DYNC1H1: variants seen among roughly 807,000 people sequenced by gnomAD.
DYNC1H1 encodes the protein dynein cytoplasmic 1 heavy chain 1, also known as cytoplasmic dynein 1 heavy chain 1.
A neutral mutation model predicts 527.1 loss-of-function variants in DYNC1H1; 51 were observed. That is an observed-to-expected ratio of 0.10 (90% CI 0.08 to 0.12). The LOEUF is 0.12. DYNC1H1 is among the 10% of genes least tolerant of loss of function. The pLI is 1.00. For missense variants in DYNC1H1, 2,771 were observed against 5,971.8 expected, an observed-to-expected ratio of 0.46 and a Z score of 17.66; for synonymous variants, 2,189 against 2,278.8, an observed-to-expected ratio of 0.96 and a Z score of 1.12.
rs763491304 is a variant in DYNC1H1 at position 101,994,335 on chromosome 14, C to G, written c.3156+11C>G. ...GAACAGTATGTCAAGGTAAGAAACTCCTAATTTCATTCAAATGTGCATATG... is the reference window on the plus strand; with the variant it reads ...GAACAGTATGTCAAGGTAAGAAACTGCTAATTTCATTCAAATGTGCATATG... On this transcript the variant is annotated intron_variant, in intron 12 of 77. Transcript: ENST00000360184. The G allele has an allele frequency of 6.2e-7, 1 of 1,613,990 alleles. No individual in the cohort carries two copies. The highest frequency in any genetic ancestry group is 8.5e-7 in the Non-Finnish European group (1 of 1,180,008).
Position 102,002,840 on chromosome 14 carries a change from C to T in DYNC1H1, c.4758C>T (p.Pro1586=). The change falls in exon 23 of 78, where the codon CCC becomes CCT. Residue 1586 remains proline, a synonymous_variant. Transcript: ENST00000360184. This position sits in a 1 kb window ranked among gnomAD's most constrained non-coding sequence, Gnocchi z 4.4. The part of the protein sequence containing the change: ...LALMKKVSKS[P]LVMDVLNIQG... ...TAATGAAAAAAGTGTCCAAGTCTCCCCTTGTTATGGATGTTCTGAACATCC... is the reference window on the plus strand; with the variant it reads ...TAATGAAAAAAGTGTCCAAGTCTCCTCTTGTTATGGATGTTCTGAACATCC... 1.2e-6 allele frequency: 2 copies of T among 1,614,206 alleles called. No homozygotes were observed. Among genetic ancestry groups the T allele is most frequent in the Middle Eastern group, 1.6e-4 (1 of 6,062 alleles).
At position 102,039,823 on chromosome 14, in the gene DYNC1H1, A is replaced by G; in HGVS notation, c.11690+91A>G. 7.2e-7 allele frequency: 1 copy of G among 1,388,602 alleles called. No homozygotes were observed. The highest frequency in any genetic ancestry group is 9.9e-7 in the Non-Finnish European group (1 of 1,009,300). 86.0% of individuals were successfully genotyped at this position (1,388,602 alleles called of 1,614,324 possible). On this transcript the variant is annotated intron_variant, in intron 62 of 77. Transcript: ENST00000360184. This position sits in a 1 kb window ranked among gnomAD's most constrained non-coding sequence, Gnocchi z 7.0. ...GATACATGCTTTTATTATTTCTTTT[A>G]TTTTCTCTTTTATTTTCTTTATTTT...
At position 102,053,743 on chromosome 14, in the gene DYNC1H1, C is replaced by G. The variant is rs970855286; in HGVS notation, c.*3180C>G. On this transcript the variant is annotated 3_prime_UTR_variant, in exon 78 of 78. Transcript: ENST00000360184. Reference sequence around the variant, plus strand: ...AGGCGTGAGCCACCACACTCGGCCTCTTTGTTTGTTTTTTTTTTTTTTTGA... The same window carrying G: ...AGGCGTGAGCCACCACACTCGGCCTGTTTGTTTGTTTTTTTTTTTTTTTGA... The G allele has an allele frequency of 2.3e-5, 3 of 128,814 alleles. No individual in the cohort carries two copies. Among genetic ancestry groups the G allele is most frequent in the African/African-American group, 1.0e-4 (3 of 28,622 alleles). The allele number at this position is 128,814 out of a possible 1,614,324, so 8.0% of individuals were successfully genotyped here.
intron 72 of DYNC1H1, 184 bp from the exon 73 acceptor site, chr14:102,047,633 G>A (rs571939858): frequency 2.3e-5 from 9 of 398,188 alleles, no homozygotes; most frequent in Admixed American, 2.0e-4. Context: ...GTGTGTGTGT[G>A]TGTGTGTGTA....
In DYNC1H1 at chr14:102,017,325, C is replaced by G. The variant is rs778113601; in HGVS notation, c.8055+31C>G. 7 of 1,614,076 alleles carry G rather than the reference C, an allele frequency of 4.3e-6. No homozygotes were observed. In the Admixed American group the frequency reaches 1.2e-4, roughly 27 times the overall value. ...TTTCTATCCACAAGGCCCTTCCTGCCCCACAATGTTTCTTGTTCAAGTTTT... is the reference window on the plus strand; with the variant it reads ...TTTCTATCCACAAGGCCCTTCCTGCGCCACAATGTTTCTTGTTCAAGTTTT... On this transcript the variant is annotated intron_variant, in intron 39 of 77. Transcript: ENST00000360184. The surrounding 1 kb of genome is among the most constrained non-coding windows in gnomAD (Gnocchi z 4.6).
At chr14:102,009,815 A>G (rs769467487) in intron 29 of DYNC1H1, 28 bp from the exon 30 acceptor site, 2 of 1,611,658 alleles carry the variant, frequency 1.2e-6, no homozygotes, top group Admixed American at 1.7e-5. Context: ...TAACATTTCT[A>G]GTCTTAACGC....
chr14:102,000,734 C>T (rs1172599905), intron 18 of DYNC1H1: 5 of 528,160 alleles, frequency 9.5e-6, no homozygotes, highest in Admixed American at 5.8e-5. Context: ...GCCACCACGC[C>T]CGGCTAATTT....
intron 15 of DYNC1H1, among the ~76,000 whole-genome samples, chr14:101,996,281 C>T (rs879574489): frequency 5.3e-5 from 8 of 151,774 alleles, no homozygotes; most frequent in Non-Finnish European, 1.2e-4. Flanking sequence ...AGGCGCCCAC[C>T]ACCATGCCCG....
intron 16 of DYNC1H1, among the ~76,000 whole-genome samples, chr14:101,998,170 C>T (rs776234861): frequency 2.6e-5 from 4 of 152,070 alleles, no homozygotes; most frequent in Non-Finnish European, 4.4e-5. Flanking sequence ...CCCCTCTCCC[C>T]TCTATAAACG....
intron 41 of DYNC1H1, among the ~76,000 whole-genome samples, chr14:102,019,003 A>G (rs2152584061): frequency 6.6e-6 from 1 of 152,290 alleles, no homozygotes. Flanking sequence ...CAGAGATGTT[A>G]TTGAGCCGAG....
At position 102,004,685 on chromosome 14, in the gene DYNC1H1, TA is replaced by T. The variant is rs936106375; in HGVS notation, c.5049+5del. ...ATTTCATCTCGGGAAGGAGAGGAGG[TA>T]AATTTATGTTCGTAACTTTTAAAAC... is the stretch of plus-strand genomic sequence containing the variant. On this transcript the variant is annotated splice_donor_region_variant and intron_variant, in intron 24 of 77. Transcript: ENST00000360184. 3.3e-5 allele frequency: 53 copies of T among 1,613,982 alleles called. No homozygotes were observed. Among genetic ancestry groups the T allele is most frequent in the Non-Finnish European group, 4.2e-5 (50 of 1,180,032 alleles).
In DYNC1H1 at chr14:102,001,170, A is replaced by G; in HGVS notation, c.4211A>G (p.Lys1404Arg). The change falls in exon 20 of 78, where the codon AAA (lysine) becomes AGA (arginine). Residue 1404 changes from lysine to arginine, a missense_variant. Physicochemically the swap from Lys to Arg is conservative, Grantham distance 26 (BLOSUM62 2). This residue lies in a region of DYNC1H1 where 223 missense variants were observed against 462.5 expected (regional missense o/e 0.48). Transcript: ENST00000360184. This position sits in a 1 kb window ranked among gnomAD's most constrained non-coding sequence, Gnocchi z 5.0. Reference sequence around the variant, plus strand: ...ATAAATATGCTGGTGATTGAACTGAAATCCGAAGCACTTAAAGACCGCCAT... The same window carrying G: ...ATAAATATGCTGGTGATTGAACTGAGATCCGAAGCACTTAAAGACCGCCAT... ...MKINMLVIEL[K>R]SEALKDRHWK... 1.2e-6 allele frequency: 2 copies of G among 1,614,210 alleles called. No homozygotes were observed. Among genetic ancestry groups the G allele is most frequent in the Non-Finnish European group, 8.5e-7 (1 of 1,180,048 alleles).
chr14:102,049,128 C>T lies in DYNC1H1; in HGVS notation c.13373-312C>T. ...AGCCCTAATTGCCAGGAACACTGAGCCACTTGTGTGACATGAGGTTTTAGC... is the reference window on the plus strand; with the variant it reads ...AGCCCTAATTGCCAGGAACACTGAGTCACTTGTGTGACATGAGGTTTTAGC... On this transcript the variant is annotated intron_variant, in intron 74 of 77. Coordinates refer to ENST00000360184, the MANE Select transcript of DYNC1H1 (RefSeq NM_001376.5). This position sits in a 1 kb window ranked among gnomAD's most constrained non-coding sequence, Gnocchi z 5.5. 2.2e-6 allele frequency: 1 copy of T among 462,284 alleles called. No homozygotes were observed. Among genetic ancestry groups the T allele is most frequent in the Non-Finnish European group, 4.0e-6 (1 of 249,630 alleles). The allele number at this position is 462,284 out of a possible 1,614,324, so 28.6% of individuals were successfully genotyped here.
chr14:102,003,175 C>T lies in DYNC1H1; in HGVS notation c.4883+210C>T, dbSNP rs551103449. ...ACCTTGGATTTTTTAAATTGTCCTA[C>T]CTTGGATTTCTTAAATCCTTAATTT... On this transcript the variant is annotated intron_variant, in intron 23 of 77. Coordinates refer to ENST00000360184, the MANE Select transcript of DYNC1H1 (RefSeq NM_001376.5). Among the ~76,000 whole-genome samples the T allele has an allele frequency of 2.0e-5, 3 of 152,282 alleles. No individual in the cohort carries two copies. The East Asian group carries it at 5.8e-4, about 29-fold the overall frequency.
intron 28 of DYNC1H1, among the ~76,000 whole-genome samples, chr14:102,007,838 G>C (rs942318898): frequency 2.0e-5 from 3 of 152,198 alleles, no homozygotes; most frequent in African/African-American, 7.2e-5. Context: ...TGGAGGCTGG[G>C]GAGTCCAAGA....
intron 11 of DYNC1H1, among the ~76,000 whole-genome samples, chr14:101,993,048 A>G (rs1186157541): frequency 6.6e-6 from 1 of 150,960 alleles, no homozygotes; most frequent in Non-Finnish European, 1.5e-5. Context: ...CTGGGCAGCT[A>G]CTAGCATGGC....
intron 52 of DYNC1H1, 81 bp from the exon 53 acceptor site, chr14:102,032,984 G>A: frequency 7.0e-7 from 1 of 1,426,010 alleles, no homozygotes; most frequent in African/African-American, 1.4e-5. Context: ...GCTGGCTCTG[G>A]TCTCTTCCAT....
intron 73 of DYNC1H1, 55 bp from the exon 74 acceptor site, chr14:102,048,461 A>T: frequency 6.2e-7 from 1 of 1,611,272 alleles, no homozygotes; most frequent in Non-Finnish European, 8.5e-7. Flanking sequence ...TTTGACCTTT[A>T]CACTGGAGAA....
rs1310409748 is a variant in DYNC1H1 at position 101,965,012 on chromosome 14, C to T, written c.256+65C>T. The T allele has an allele frequency of 6.6e-7, 1 of 1,508,910 alleles. No individual in the cohort carries two copies. Among genetic ancestry groups the T allele is most frequent in the Non-Finnish European group, 8.9e-7 (1 of 1,120,658 alleles). 93.5% of individuals were successfully genotyped at this position (1,508,910 alleles called of 1,614,324 possible). ...TCGCGGAATGCAGGGCCTGCCAGGT[C>T]CTCCGGGGTCGCAGATGTCCCCGGG... On this transcript the variant is annotated intron_variant, in intron 1 of 77. Transcript: ENST00000360184. This position sits in a 1 kb window ranked among gnomAD's most constrained non-coding sequence, Gnocchi z 4.1.
Sources: allele counts gnomAD v4.1 joint callset (sites outside exome capture counted in the v4.1 genomes callset), GRCh38; gene constraint gnomAD v4.1.1; regional missense constraint gnomAD v4.1.1; non-coding constraint Gnocchi (gnomAD v3.1); transcripts MANE v1.5; gene names NCBI Gene and HGNC (gene_info 2026-07-23, HGNC 2026-07-21).